The following BOC variants were observed in gnomAD, a reference collection of about 807,000 sequenced individuals.
BOC encodes the protein BOC cell adhesion associated, oncogene regulated, also known as brother of CDO.
A neutral mutation model predicts 112.0 loss-of-function variants in BOC; 76 were observed. The observed-to-expected ratio is 0.68, with a 90% CI of 0.56 to 0.82. The LOEUF (loss-of-function observed/expected upper bound fraction) is 0.82, where lower values mean the gene tolerates loss of function less well. BOC is among the 40% of genes least tolerant of loss of function. The pLI is 0.00. For synonymous variants in BOC, 580 were observed against 599.8 expected, an observed-to-expected ratio of 0.97 and a Z score of 0.48; for missense variants, 1,309 against 1,511.7, an observed-to-expected ratio of 0.87 and a Z score of 2.22.
At chr3:113,222,443 G>A (rs185399751) in intron 2 of BOC, among the ~76,000 whole-genome samples, 1 of 152,306 alleles carries the variant, frequency 6.6e-6, no homozygotes, top group Admixed American at 6.5e-5. Context: ...TAGGAGAGAT[G>A]TCCCGAGAAT....
intron 4 of BOC, chr3:113,261,583 T>C (rs1946881750): frequency 6.6e-6 from 1 of 152,222 alleles, no homozygotes; most frequent in South Asian, 2.1e-4. Flanking sequence ...CCTTGACTTG[T>C]CTTTGAGGAT....
intron 2 of BOC, among the ~76,000 whole-genome samples, chr3:113,235,274 A>G (rs952697890): frequency 6.6e-6 from 1 of 152,184 alleles, no homozygotes; most frequent in African/African-American, 2.4e-5. Flanking sequence ...TTCATTTTAC[A>G]TGACTTATGT....
Position 113,274,522 on chromosome 3 carries a change from A to G in BOC, c.1382A>G (p.Gln461Arg), listed in dbSNP as rs557246506. 9.3e-6 allele frequency: 15 copies of G among 1,613,386 alleles called. 1 individual carries two copies. In the African/African-American group the frequency reaches 1.9e-4, roughly 20 times the overall value. ...PPTSVGPASP[Q>R]CPGEKGQGAP... ...ACGTCAGTGGGGCCTGCTTCCCCGCAGTGTCCAGGAGAGAAGGGGCAGGGG... is the reference window on the plus strand; with the variant it reads ...ACGTCAGTGGGGCCTGCTTCCCCGCGGTGTCCAGGAGAGAAGGGGCAGGGG... Residue 461 changes from glutamine to arginine, a missense_variant, in exon 9 of 20, where the codon CAG becomes CGG. Gln to Arg is a conservative substitution (Grantham distance 43). Transcript: ENST00000682979. This position sits in a 1 kb window ranked among gnomAD's most constrained non-coding sequence, Gnocchi z 4.8.
At chr3:113,235,605 G>A (rs943833002) in intron 2 of BOC, among the ~76,000 whole-genome samples, 1 of 152,128 alleles carries the variant, frequency 6.6e-6, no homozygotes, top group Non-Finnish European at 1.5e-5. Context: ...ATAAGTGGGG[G>A]AAGGTGAAGA....
intron 2 of BOC, among the ~76,000 whole-genome samples, chr3:113,244,942 G>T (rs1220649806): frequency 6.6e-6 from 1 of 152,140 alleles, no homozygotes; most frequent in Non-Finnish European, 1.5e-5. Context: ...ATAGTAAAAG[G>T]AGCACTGGAC....
chr3:113,212,668 G>C (rs1337257302), intron 1 of BOC: 1 of 152,746 alleles, frequency 6.5e-6, no homozygotes, highest in African/African-American at 2.4e-5. Flanking sequence ...CGAGGTGTCT[G>C]AGGGGCTGGG....
chr3:113,214,612 A>G lies in BOC; in HGVS notation c.-169-1575A>G, dbSNP rs367795711. 2.3e-3 allele frequency among the ~76,000 whole-genome samples: 343 copies of G among 152,336 alleles called. 1 individual carries two copies. The highest frequency in any genetic ancestry group is 0.014 in the South Asian group (67 of 4,822). ...AAATATTAACTTGGCACCAAAAGAT[A>G]TTATATATTTGGAAGTTGCTTTCTT... On this transcript the variant is annotated intron_variant, in intron 1 of 19. Coordinates refer to ENST00000682979, the MANE Select transcript of BOC (RefSeq NM_001378074.1).
At chr3:113,272,949 A>G (rs1948288943) in intron 7 of BOC, 120 bp from the exon 8 acceptor site, 7 of 1,325,058 alleles carry the variant, frequency 5.3e-6, no homozygotes, top group Non-Finnish European at 6.2e-6. Flanking sequence ...TACTCTGCCC[A>G]TTAGGAAAAA....
Position 113,287,120 on chromosome 3 carries a change from G to C in BOC, c.*258G>C. 2.0e-6 allele frequency: 1 copy of C among 494,024 alleles called. No individual in the cohort carries two copies. The highest frequency in any genetic ancestry group is 1.6e-5 in the South Asian group (1 of 63,376). 30.6% of individuals were successfully genotyped at this position (494,024 alleles called of 1,614,324 possible). A position where few individuals can be genotyped will look rare whatever the true frequency, so the allele number is the denominator to read the frequency against. On this transcript the variant is annotated 3_prime_UTR_variant, in exon 20 of 20. Coordinates refer to ENST00000682979, the MANE Select transcript of BOC (RefSeq NM_001378074.1). ...GGAAAGCACCGCACAGGCTGGCGCG[G>C]GACAGACTCCTAACCTGGGGCCTCT...
intron 2 of BOC, among the ~76,000 whole-genome samples, chr3:113,221,083 T>C (rs1200155247): frequency 2.6e-5 from 4 of 152,178 alleles, no homozygotes; most frequent in Non-Finnish European, 4.4e-5. Flanking sequence ...AGTTCTGGCT[T>C]TGCCAGTCGA....
Position 113,276,166 on chromosome 3 carries a change from C to T in BOC, c.1542+1484C>T, listed in dbSNP as rs192558669. On this transcript the variant is annotated intron_variant, in intron 9 of 19. Transcript: ENST00000682979. ...GGGCAGGCCAAACGCCCATGGTTCC[C>T]AGGAGACAAAACCCAGCATGAGAGC... 1.1e-3 allele frequency among the ~76,000 whole-genome samples: 170 copies of T among 152,308 alleles called. 1 individual carries two copies. Among genetic ancestry groups the T allele is most frequent in the South Asian group, 5.2e-3 (25 of 4,824 alleles).
intron 2 of BOC, among the ~76,000 whole-genome samples, chr3:113,238,797 T>A (rs1943906926): frequency 6.6e-6 from 1 of 152,240 alleles, no homozygotes; most frequent in Non-Finnish European, 1.5e-5. Flanking sequence ...ACAGGGCTAC[T>A]GTGAGAATAT....
At chr3:113,213,350 C>A (rs1938629826) in intron 1 of BOC, among the ~76,000 whole-genome samples, 1 of 152,202 alleles carries the variant, frequency 6.6e-6, no homozygotes, top group East Asian at 1.9e-4. Flanking sequence ...GTCCAGAACT[C>A]GGTACACATT....
intron 15 of BOC, among the ~76,000 whole-genome samples, chr3:113,282,999 C>T (rs1363079119): frequency 1.3e-5 from 2 of 152,196 alleles, no homozygotes; most frequent in African/African-American, 4.8e-5. Context: ...CTTCACGTCT[C>T]AGTCCACCAG....
chr3:113,262,888 G>C (rs1270518435), intron 4 of BOC, among the ~76,000 whole-genome samples: 1 of 152,154 alleles, frequency 6.6e-6, no homozygotes, highest in Non-Finnish European at 1.5e-5. Context: ...GGAGTGTCAG[G>C]GACCCTTTGT....
At position 113,283,339 on chromosome 3, in the gene BOC, T is replaced by A. The variant is rs544592925; in HGVS notation, c.2435-72T>A. ...TCCCAAACCCATGGAATGGGGGTAT[T>A]TTTTTTTCTATTTGTTGTGAAGGAA... On this transcript the variant is annotated intron_variant, in intron 15 of 19. Coordinates refer to ENST00000682979, the MANE Select transcript of BOC (RefSeq NM_001378074.1). The A allele has an allele frequency of 2.7e-6, 4 of 1,464,502 alleles. No individual in the cohort carries two copies. The East Asian group carries it at 6.9e-5, about 25-fold the overall frequency. The allele number at this position is 1,464,502 out of a possible 1,614,324, so 90.7% of individuals were successfully genotyped here.
chr3:113,228,752 A>G (rs1942098397), intron 2 of BOC, among the ~76,000 whole-genome samples: 1 of 152,074 alleles, frequency 6.6e-6, no homozygotes, highest in African/African-American at 2.4e-5. Flanking sequence ...GTTAAAGGGT[A>G]TGAAATAGGG....
Position 113,284,500 on chromosome 3 carries a change from G to T in BOC, c.2822G>T (p.Cys941Phe). 1 of 1,614,156 alleles carries T rather than the reference G, an allele frequency of 6.2e-7. No homozygotes were observed. The highest frequency in any genetic ancestry group is 8.5e-7 in the Non-Finnish European group (1 of 1,179,990). Residue 941 changes from cysteine to phenylalanine, a missense_variant, in exon 17 of 20, where the codon TGC (cysteine) becomes TTC (phenylalanine). Physicochemically the swap from Cys to Phe is radical, Grantham distance 205. Coordinates refer to ENST00000682979, the MANE Select transcript of BOC (RefSeq NM_001378074.1). ...CANGIHMNRG[C>F]PSAAVGYPGM... Reference sequence around the variant, plus strand: ...AATGGGATCCACATGAATAGGGGCTGCCCCTCGGCTGCAGTGGGCTACCCG... The same window carrying T: ...AATGGGATCCACATGAATAGGGGCTTCCCCTCGGCTGCAGTGGGCTACCCG...
intron 2 of BOC, among the ~76,000 whole-genome samples, chr3:113,234,978 G>C (rs1943226127): frequency 6.6e-6 from 1 of 152,162 alleles, no homozygotes; most frequent in South Asian, 2.1e-4. Flanking sequence ...CAGTGTTCCA[G>C]TCTTCCTCTG....
Sources: gnomAD v4.1 joint callset for allele counts (sites outside exome capture counted in the v4.1 genomes callset) on GRCh38, gnomAD v4.1.1 for gene constraint, Gnocchi (gnomAD v3.1) non-coding constraint, MANE v1.5 for transcripts, NCBI Gene and HGNC (gene_info 2026-07-23, HGNC 2026-07-21) for gene names.